The following PTPN3 variants were observed in gnomAD, a reference collection of about 807,000 sequenced individuals.
PTPN3 encodes protein tyrosine phosphatase non-receptor type 3.
In PTPN3, 96 loss-of-function variants were observed where a neutral mutation model predicts 132.7. The observed-to-expected ratio is 0.72, with a 90% CI of 0.61 to 0.86. The LOEUF is 0.86. Among genes scored for constraint, PTPN3 ranks in the 40% least tolerant of loss-of-function variants. PTPN3 has a pLI of 0.00. For synonymous variants in PTPN3, 398 were observed against 429.0 expected, an observed-to-expected ratio of 0.93 and a Z score of 0.89; for missense variants, 1,125 against 1,159.6, an observed-to-expected ratio of 0.97 and a Z score of 0.43.
At chr9:109,425,347 G>T (rs1470284080) in intron 12 of PTPN3, among the ~76,000 whole-genome samples, 1 of 152,162 alleles carries the variant, frequency 6.6e-6, no homozygotes, top group Non-Finnish European at 1.5e-5. Context: ...TCAGACACGG[G>T]TCTCATTTAG....
At chr9:109,397,438 ATAAC>A (rs1840693419) in intron 19 of PTPN3, among the ~76,000 whole-genome samples, 1 of 152,222 alleles carries the variant, frequency 6.6e-6, no homozygotes, top group South Asian at 2.1e-4. Context: ...ATAGTGCCCT[ATAAC>A]TAAGCTGAGG....
In PTPN3 at chr9:109,454,490, T is replaced by A. The variant is rs1275803594; in HGVS notation, c.368+6A>T. The A allele has an allele frequency of 1.2e-6, 2 of 1,608,940 alleles. No individual in the cohort carries two copies. The highest frequency in any genetic ancestry group is 2.2e-5 in the South Asian group (2 of 90,714). On this transcript the variant is annotated splice_donor_region_variant and intron_variant, in intron 5 of 25. Transcript: ENST00000374541. ...TAAACAGAAAACTTTAAAAAAATGT[T>A]GTTACCTGGTTTGTTCTTGCTGCAG...
At position 109,482,217 on chromosome 9, in the gene PTPN3, T is replaced by C. The variant is rs536903099; in HGVS notation, c.-18+16002A>G. 7.9e-5 allele frequency among the ~76,000 whole-genome samples: 12 copies of C among 152,308 alleles called. No homozygotes were observed. The East Asian group carries it at 1.5e-3, about 20-fold the overall frequency. ...TTTCTAGGAACCTGCTGTCAGGATA[T>C]ATTCAGACATGAAAAAAAGTTTTAG... On this transcript the variant is annotated intron_variant, in intron 1 of 25. Coordinates refer to ENST00000374541, the MANE Select transcript of PTPN3 (RefSeq NM_002829.4).
intron 1 of PTPN3, among the ~76,000 whole-genome samples, chr9:109,477,274 C>A (rs759051618): frequency 1.3e-5 from 2 of 152,148 alleles, no homozygotes; most frequent in Non-Finnish European, 2.9e-5. Context: ...AAACACTCCC[C>A]GAGGCTCTCA....
intron 1 of PTPN3, among the ~76,000 whole-genome samples, chr9:109,474,023 T>C (rs1315271777): frequency 1.3e-5 from 2 of 152,070 alleles, no homozygotes; most frequent in Non-Finnish European, 2.9e-5. Context: ...TCGGTACCCA[T>C]GTGGATGTCT....
the PTPN3 span, among the ~76,000 whole-genome samples, chr9:109,505,038 A>G: frequency 6.6e-6 from 1 of 152,236 alleles, no homozygotes; most frequent in African/African-American, 2.4e-5. Context: ...TGGCTTTGAA[A>G]AACCAGCAGT....
intron 1 of PTPN3, among the ~76,000 whole-genome samples, chr9:109,485,457 G>A (rs966073147): frequency 3.3e-5 from 5 of 152,120 alleles, no homozygotes; most frequent in Admixed American, 2.6e-4. Flanking sequence ...GCAGTGAGCC[G>A]AGATTGCGCC....
chr9:109,471,247 G>A (rs1487419549), intron 1 of PTPN3, among the ~76,000 whole-genome samples: 1 of 152,178 alleles, frequency 6.6e-6, no homozygotes, highest in Non-Finnish European at 1.5e-5. Flanking sequence ...AGTAGAGACA[G>A]TGTTTCACCA....
chr9:109,377,426 AC>A lies in PTPN3; in HGVS notation c.*2129del. The A allele has an allele frequency of 4.0e-5, 6 of 149,990 alleles. 1 individual carries two copies. In the Middle Eastern group the frequency reaches 0.02, roughly 490 times the overall value. 9.3% of individuals were successfully genotyped at this position (149,990 alleles called of 1,614,324 possible). On this transcript the variant is annotated 3_prime_UTR_variant, in exon 26 of 26. Transcript: ENST00000374541. ...CACACACACACACACACACACACAC[AC>A]ACACACACACACACACACACACACA... is the stretch of plus-strand genomic sequence containing the variant.
At chr9:109,488,010 G>A (rs1362623006) in intron 1 of PTPN3, among the ~76,000 whole-genome samples, 1 of 152,006 alleles carries the variant, frequency 6.6e-6, no homozygotes, top group Non-Finnish European at 1.5e-5. Context: ...CTGACACTGT[G>A]TGACATGCTC....
chr9:109,420,688 C>G, intron 13 of PTPN3, 88 bp from the exon 14 acceptor site: 3 of 1,360,872 alleles, frequency 2.2e-6, no homozygotes, highest in South Asian at 1.5e-5. Context: ...CGTGTCCTGA[C>G]CTTTCTAAGG....
rs1445236175 is a variant in PTPN3 at position 109,449,151 on chromosome 9, G to A, written c.369-296C>T. ...GGGGTGGAAACAGCCCACCAAAGAT[G>A]GGCTGGTACTATGGGTTCCGCTGTC... On this transcript the variant is annotated intron_variant, in intron 5 of 25. Coordinates refer to ENST00000374541, the MANE Select transcript of PTPN3 (RefSeq NM_002829.4). 5.2e-5 allele frequency: 63 copies of A among 1,205,996 alleles called. 1 individual carries two copies. In the South Asian group the frequency reaches 1.4e-3, roughly 26 times the overall value. 74.7% of individuals were successfully genotyped at this position (1,205,996 alleles called of 1,614,324 possible).
intron 15 of PTPN3, 64 bp from the exon 16 acceptor site, chr9:109,410,140 A>G: frequency 6.2e-7 from 1 of 1,613,426 alleles, no homozygotes; most frequent in East Asian, 2.2e-5. Flanking sequence ...GTGATAAGAT[A>G]TTTTCATTTA....
chr9:109,475,325 T>C (rs1008936222), intron 1 of PTPN3, among the ~76,000 whole-genome samples: 1 of 152,274 alleles, frequency 6.6e-6, no homozygotes, highest in Non-Finnish European at 1.5e-5. Context: ...TTTCCTTTCA[T>C]GTATACTTTC....
chr9:109,474,555 G>C (rs1368397885), intron 1 of PTPN3, among the ~76,000 whole-genome samples: 1 of 152,068 alleles, frequency 6.6e-6, no homozygotes, highest in African/African-American at 2.4e-5. Flanking sequence ...AGTCTTGCAG[G>C]ATAAGGGGTA....
chr9:109,521,514 ATGTCCCACTTCC>A, the PTPN3 span, among the ~76,000 whole-genome samples: 1 of 152,132 alleles, frequency 6.6e-6, no homozygotes, highest in African/African-American at 2.4e-5. Context: ...TGCCTGCAAC[ATGTCCCACTTCC>A]TTTGCCCAAC....
At chr9:109,426,661 C>A (rs1843304876) in intron 12 of PTPN3, among the ~76,000 whole-genome samples, 1 of 152,164 alleles carries the variant, frequency 6.6e-6, no homozygotes, top group Admixed American at 6.5e-5. Flanking sequence ...CACACAGAAC[C>A]ATGGCTCCAT....
rs189230512 is a variant in PTPN3, at chr9:109,453,412, G to T, written c.368+1084C>A. Among the ~76,000 whole-genome samples the T allele has an allele frequency of 1.4e-4, 21 of 152,228 alleles. No individual in the cohort carries two copies. In the East Asian group the frequency reaches 3.5e-3, roughly 25 times the overall value. On this transcript the variant is annotated intron_variant, in intron 5 of 25. Coordinates refer to ENST00000374541, the MANE Select transcript of PTPN3 (RefSeq NM_002829.4). ...AAATAAATGGATCAATAATAAAAGGGCTTAACGTTGCCACAGGGGAGGGAA... is the reference window on the plus strand; with the variant it reads ...AAATAAATGGATCAATAATAAAAGGTCTTAACGTTGCCACAGGGGAGGGAA...
At chr9:109,495,670 C>G (rs948115281) in intron 1 of PTPN3, among the ~76,000 whole-genome samples, 2 of 152,210 alleles carry the variant, frequency 1.3e-5, no homozygotes, top group Non-Finnish European at 2.9e-5. Context: ...AGCCAATTAC[C>G]ACCTCGGAAC....
Sources: allele counts gnomAD v4.1 joint callset (sites outside exome capture counted in the v4.1 genomes callset), GRCh38; gene constraint gnomAD v4.1.1; transcripts MANE v1.5; gene names NCBI Gene and HGNC (gene_info 2026-07-23, HGNC 2026-07-21).